Variants in CUX2 observed in about 807,000 individuals in gnomAD.
CUX2 encodes the protein cut like homeobox 2.
CUX2 carries 40 observed loss-of-function variants against 144.8 expected under a neutral mutation model. That is an observed-to-expected ratio of 0.28 (90% confidence interval 0.21 to 0.36). The LOEUF is 0.36. Ranked by LOEUF, CUX2 falls within the 10% of genes least tolerant of loss-of-function variation. CUX2 has a pLI of 1.00. For missense variants in CUX2, 1,615 were observed against 1,994.0 expected, an observed-to-expected ratio of 0.81 and a Z score of 3.62; for synonymous variants, 827 against 875.6, an observed-to-expected ratio of 0.94 and a Z score of 0.98.
intron 1 of CUX2, among the ~76,000 whole-genome samples, chr12:111,207,925 A>G (rs987477574): frequency 6.6e-6 from 1 of 152,160 alleles, no homozygotes. Flanking sequence ...CCACAAAGAC[A>G]GAATGAGTTC....
chr12:111,133,585 G>T (rs901087696), intron 1 of CUX2, among the ~76,000 whole-genome samples: 1 of 152,164 alleles, frequency 6.6e-6, no homozygotes, highest in Non-Finnish European at 1.5e-5. Flanking sequence ...CCCACAACAC[G>T]TGGGAATTCT....
At chr12:111,099,495 G>T (rs1293343324) in intron 1 of CUX2, 5 of 454,782 alleles carry the variant, frequency 1.1e-5, no homozygotes, top group Non-Finnish European at 2.2e-5. Context: ...GTGAGACTCG[G>T]GTTTGCAGGC....
intron 1 of CUX2, among the ~76,000 whole-genome samples, chr12:111,080,272 C>T (rs902593561): frequency 6.6e-6 from 1 of 152,144 alleles, no homozygotes; most frequent in African/African-American, 2.4e-5. Context: ...CACACGCAGC[C>T]CTCACTTCCC....
intron 1 of CUX2, among the ~76,000 whole-genome samples, chr12:111,128,733 G>A (rs977767523): frequency 6.6e-6 from 1 of 152,132 alleles, no homozygotes; most frequent in Non-Finnish European, 1.5e-5. Context: ...GATGATATAG[G>A]GCCTTGCTCT....
At chr12:111,215,217 C>T (rs1192518002) in intron 2 of CUX2, among the ~76,000 whole-genome samples, 2 of 152,000 alleles carry the variant, frequency 1.3e-5, no homozygotes, top group Non-Finnish European at 2.9e-5. Flanking sequence ...GATGGGAGAC[C>T]CTGATTCCAG....
At chr12:111,162,978 C>G (rs560254365) in intron 1 of CUX2, among the ~76,000 whole-genome samples, 16 of 149,878 alleles carry the variant, frequency 1.1e-4, no homozygotes, top group Non-Finnish European at 2.1e-4. Context: ...CCTGGGAGGC[C>G]GAGTTTGCAG....
chr12:111,078,635 A>C (rs138989221), intron 1 of CUX2, among the ~76,000 whole-genome samples: 1 of 152,150 alleles, frequency 6.6e-6, no homozygotes, highest in East Asian at 1.9e-4. Context: ...GTGCCACTAC[A>C]CTCCAGCCTG....
At chr12:111,088,517 C>T (rs981342763) in intron 1 of CUX2, among the ~76,000 whole-genome samples, 5 of 152,112 alleles carry the variant, frequency 3.3e-5, no homozygotes, top group African/African-American at 9.7e-5. Flanking sequence ...TGAATCCCTA[C>T]GATGTGACGC....
Position 111,255,458 on chromosome 12 carries a change from T to C in CUX2, c.223-8303T>C, listed in dbSNP as rs1251492331. Among the ~76,000 whole-genome samples, 2 of 152,212 alleles carry C rather than the reference T, an allele frequency of 1.3e-5. No homozygotes were observed. ...CCTGGAGGCAGGCAGGGTTGAGTCCTGCAGCTCCTCCTGGCCTCCCGTCCC... is the reference window on the plus strand; with the variant it reads ...CCTGGAGGCAGGCAGGGTTGAGTCCCGCAGCTCCTCCTGGCCTCCCGTCCC... On this transcript the variant is annotated intron_variant, in intron 3 of 21. Transcript: ENST00000261726. This position sits in a 1 kb window ranked among gnomAD's most constrained non-coding sequence, Gnocchi z 4.1.
intron 1 of CUX2, among the ~76,000 whole-genome samples, chr12:111,199,652 A>G (rs148184277): frequency 6.6e-6 from 1 of 152,220 alleles, no homozygotes; most frequent in Non-Finnish European, 1.5e-5. Context: ...CTCTTAGTCA[A>G]TAGAGTAAGA....
chr12:111,294,003 T>G (rs929651893), intron 6 of CUX2, among the ~76,000 whole-genome samples: 3 of 152,248 alleles, frequency 2.0e-5, no homozygotes, highest in South Asian at 4.1e-4. Flanking sequence ...ATAATTATAA[T>G]GTTTTAGAGA....
intron 1 of CUX2, among the ~76,000 whole-genome samples, chr12:111,137,855 A>C (rs1876016239): frequency 2.0e-5 from 3 of 152,212 alleles, no homozygotes; most frequent in African/African-American, 7.2e-5. Flanking sequence ...ATGGGGCAGG[A>C]ATGAAGCACT....
intron 1 of CUX2, among the ~76,000 whole-genome samples, chr12:111,084,996 A>G (rs1224342706): frequency 6.6e-6 from 1 of 152,120 alleles, no homozygotes; most frequent in Non-Finnish European, 1.5e-5. Flanking sequence ...AGCATCTACT[A>G]TGTGCCAGGC....
intron 3 of CUX2, among the ~76,000 whole-genome samples, chr12:111,243,571 A>G (rs1239385338): frequency 7.2e-6 from 1 of 138,606 alleles, no homozygotes; most frequent in Non-Finnish European, 1.5e-5. Flanking sequence ...TGGTGCAATC[A>G]TAGCTCACTG....
chr12:111,107,919 C>T (rs942062728), intron 1 of CUX2, among the ~76,000 whole-genome samples: 12 of 152,146 alleles, frequency 7.9e-5, no homozygotes, highest in African/African-American at 2.2e-4. Context: ...GAAAAATTAA[C>T]GTGGCTGAAA....
At chr12:111,119,538 G>A (rs943933024) in intron 1 of CUX2, among the ~76,000 whole-genome samples, 4 of 152,102 alleles carry the variant, frequency 2.6e-5, no homozygotes, top group Admixed American at 1.3e-4. Flanking sequence ...TGGGTCTGTG[G>A]AGTGTCCCTC....
Position 111,057,540 on chromosome 12 carries a change from G to A in CUX2, c.63+23300G>A, listed in dbSNP as rs1185287520. The stretch of plus-strand genomic sequence containing the variant: ...GTGACCAGGCCGATTCCAACGTGGG[G>A]ACCCAGACCTCCTTACACGGGCCCC... On this transcript the variant is annotated intron_variant, in intron 1 of 21. Coordinates refer to ENST00000261726, the MANE Select transcript of CUX2 (RefSeq NM_015267.4). This position sits in a 1 kb window ranked among gnomAD's most constrained non-coding sequence, Gnocchi z 5.1. Among the ~76,000 whole-genome samples, 1 of 152,040 alleles carries A rather than the reference G, an allele frequency of 6.6e-6. No homozygotes were observed. The highest frequency in any genetic ancestry group is 2.1e-4 in the South Asian group (1 of 4,812).
At position 111,348,006 on chromosome 12, in the gene CUX2, A is replaced by G; in HGVS notation, c.4142A>G (p.Lys1381Arg). ...CTTCACCCGGACCCTTTAAGTTTTA[A>G]GTCAGCCTCAGAGTCCTCACGCTGC... ...ERLHPDPLSF[K>R]SASESSRCSL... Residue 1381 changes from lysine (K) to arginine (R), a missense_variant, in exon 22 of 22, where the codon AAG becomes AGG. Transcript: ENST00000261726. 1 of 1,614,066 alleles carries G rather than the reference A, an allele frequency of 6.2e-7. No individual in the cohort carries two copies. Among genetic ancestry groups the G allele is most frequent in the Non-Finnish European group, 8.5e-7 (1 of 1,180,014 alleles).
intron 3 of CUX2, among the ~76,000 whole-genome samples, chr12:111,235,343 A>C (rs1882688027): frequency 6.6e-6 from 1 of 152,116 alleles, no homozygotes; most frequent in Admixed American, 6.5e-5. Flanking sequence ...GGATGACCGG[A>C]AACCAAGTTC....
Sources: gnomAD v4.1 joint callset for allele counts (sites outside exome capture counted in the v4.1 genomes callset) on GRCh38, gnomAD v4.1.1 for gene constraint, Gnocchi (gnomAD v3.1) non-coding constraint, MANE v1.5 for transcripts, NCBI Gene and HGNC (gene_info 2026-07-23, HGNC 2026-07-21) for gene names.